The following PTPRQ variants were observed in gnomAD, a reference collection of about 807,000 sequenced individuals.
The protein encoded by PTPRQ is phosphatidylinositol phosphatase PTPRQ.
In PTPRQ, 199 loss-of-function variants were observed where a neutral mutation model predicts 246.0. The ratio of observed to expected loss-of-function variants is 0.81; its 90% CI spans 0.72 to 0.91. The LOEUF (loss-of-function observed/expected upper bound fraction) is 0.91. Among genes scored for constraint, PTPRQ ranks in the 40% least tolerant of loss-of-function variants. PTPRQ has a pLI of 0.00. For missense variants in PTPRQ, 2,624 were observed against 2,528.4 expected (o/e 1.04, Z -0.81); for synonymous variants, 869 against 853.2 (o/e 1.02, Z -0.32).
intron 25 of PTPRQ, among the ~76,000 whole-genome samples, chr12:80,566,921 A>C (rs1218952133): frequency 6.6e-6 from 1 of 152,214 alleles, no homozygotes; most frequent in Non-Finnish European, 1.5e-5. Context: ...TGTGCATGAG[A>C]GGTCTAGCAT....
chr12:80,450,218 CA>C (rs1317589267), intron 3 of PTPRQ, among the ~76,000 whole-genome samples: 1 of 152,208 alleles, frequency 6.6e-6, no homozygotes, highest in Admixed American at 6.5e-5. Flanking sequence ...GATTTTTGTA[CA>C]TTGATTTTGT....
At chr12:80,523,564 G>C (rs533536530) in intron 17 of PTPRQ, among the ~76,000 whole-genome samples, 26 of 152,214 alleles carry the variant, frequency 1.7e-4, no homozygotes, top group African/African-American at 6.0e-4. Context: ...GGTATGTTGT[G>C]TCTTTGTTCT....
At chr12:80,520,428 T>A (rs1043561928) in intron 17 of PTPRQ, among the ~76,000 whole-genome samples, 1 of 152,200 alleles carries the variant, frequency 6.6e-6, no homozygotes, top group Non-Finnish European at 1.5e-5. Flanking sequence ...GTTACATATC[T>A]ATACATGTGC....
chr12:80,506,501 G>T, intron 15 of PTPRQ, 68 bp from the exon 16 acceptor site: 1 of 1,240,842 alleles, frequency 8.1e-7, no homozygotes, highest in Non-Finnish European at 1.1e-6. Context: ...CCATTTCATA[G>T]TTTGCCTCTT....
chr12:80,458,113 T>C (rs957911270), intron 4 of PTPRQ, among the ~76,000 whole-genome samples: 1 of 152,110 alleles, frequency 6.6e-6, no homozygotes, highest in Admixed American at 6.5e-5. Context: ...TATTATATTA[T>C]TGGGTAACAT....
Position 80,613,764 on chromosome 12 carries a change from T to C in PTPRQ, c.5091T>C (p.Ile1697=), listed in dbSNP as rs572311467. ...PTAVQIHNLS[I]IQKTNTFVIA... ...CTGTCCAGATTCACAACCTCAGTAT[T>C]ATACAGAAAACCAACACATTCGTCA... is the stretch of plus-strand genomic sequence containing the variant. Residue 1697 remains isoleucine (I), a synonymous_variant, in exon 29 of 45, where the codon ATT becomes ATC. Transcript: ENST00000644991. 1.3e-6 allele frequency: 2 copies of C among 1,543,916 alleles called. No homozygotes were observed. The highest frequency in any genetic ancestry group is 2.5e-5 in the East Asian group (1 of 40,588).
At chr12:80,570,632 G>T (rs1355132502) in intron 25 of PTPRQ, among the ~76,000 whole-genome samples, 2 of 152,056 alleles carry the variant, frequency 1.3e-5, no homozygotes, top group African/African-American at 4.8e-5. Flanking sequence ...CATTGCTTTT[G>T]GTGTTTTAGT....
intron 25 of PTPRQ, among the ~76,000 whole-genome samples, chr12:80,570,934 A>T (rs955072169): frequency 2.0e-5 from 3 of 151,994 alleles, no homozygotes; most frequent in Non-Finnish European, 4.4e-5. Context: ...GTTCTGTTCC[A>T]TTGGTCTATA....
intron 25 of PTPRQ, among the ~76,000 whole-genome samples, chr12:80,551,425 CATCTT>C (rs1238186883): frequency 6.6e-6 from 1 of 152,178 alleles, no homozygotes; most frequent in African/African-American, 2.4e-5. Context: ...CCTGTAATAA[CATCTT>C]AACTAGCCTT....
At chr12:80,587,997 ATAAT>A (rs1897672760) in intron 25 of PTPRQ, 128 bp from the exon 26 acceptor site, 2 of 924,820 alleles carry the variant, frequency 2.2e-6, no homozygotes, top group South Asian at 4.8e-5. Flanking sequence ...AAGTGTGGGG[ATAAT>A]TAATCTAAGA....
At chr12:80,447,812 A>C (rs1322475272) in intron 3 of PTPRQ, among the ~76,000 whole-genome samples, 1 of 151,878 alleles carries the variant, frequency 6.6e-6, no homozygotes, top group Non-Finnish European at 1.5e-5. Flanking sequence ...GCTTTGTAGT[A>C]TAATTCGAAG....
intron 8 of PTPRQ, among the ~76,000 whole-genome samples, chr12:80,482,546 G>C (rs1405049476): frequency 6.6e-6 from 1 of 150,672 alleles, no homozygotes; most frequent in Non-Finnish European, 1.5e-5. Context: ...AAACTAAAGA[G>C]CTTCTGTACA....
In PTPRQ at chr12:80,534,923, T is replaced by C. The variant is rs2120809386; in HGVS notation, c.2871T>C (p.Tyr957=). The part of the protein sequence containing the change: ...APSDPPKDVY[Y]ANLSSSSIIL... ...GCGATCCTCCCAAAGATGTTTATTA[T>C]GCAAACCTCAGTTCTTCATCAATAA... is the stretch of plus-strand genomic sequence containing the variant. Residue 957 remains tyrosine (Y), a synonymous_variant, in exon 19 of 45, where the codon TAT becomes TAC. Transcript: ENST00000644991. 1 of 1,550,214 alleles carries C rather than the reference T, an allele frequency of 6.5e-7. No homozygotes were observed. The highest frequency in any genetic ancestry group is 8.7e-7 in the Non-Finnish European group (1 of 1,146,330).
At chr12:80,594,046 A>T (rs1897889302) in intron 26 of PTPRQ, among the ~76,000 whole-genome samples, 1 of 152,178 alleles carries the variant, frequency 6.6e-6, no homozygotes, top group South Asian at 2.1e-4. Flanking sequence ...TCAACAAAAC[A>T]TGCCTCATCA....
intron 6 of PTPRQ, among the ~76,000 whole-genome samples, chr12:80,467,455 C>A (rs1383899019): frequency 6.6e-6 from 1 of 152,032 alleles, no homozygotes; most frequent in Non-Finnish European, 1.5e-5. Flanking sequence ...GTGGCGATTC[C>A]TCAGGGATCT....
chr12:80,649,724 C>T (rs1900195292), intron 37 of PTPRQ, 55 bp downstream of exon 37: 1 of 1,502,726 alleles, frequency 6.7e-7, no homozygotes, highest in African/African-American at 1.4e-5. Flanking sequence ...TTTCATGTGT[C>T]ACATTTCATG....
At chr12:80,631,813 A>G (rs1431501588) in intron 33 of PTPRQ, among the ~76,000 whole-genome samples, 2 of 152,198 alleles carry the variant, frequency 1.3e-5, no homozygotes, top group African/African-American at 4.8e-5. Context: ...AGGGAAGTGT[A>G]CATGTTCAGT....
intron 12 of PTPRQ, 94 bp from the exon 13 acceptor site, chr12:80,495,905 G>A (rs1057329379): frequency 6.4e-5 from 88 of 1,383,594 alleles, no homozygotes; most frequent in South Asian, 2.6e-4. Flanking sequence ...CTAGTCCCCC[G>A]TATAAATTCT....
intron 43 of PTPRQ, among the ~76,000 whole-genome samples, chr12:80,676,235 T>A (rs995895325): frequency 6.6e-6 from 1 of 152,228 alleles, no homozygotes; most frequent in Admixed American, 6.5e-5. Flanking sequence ...ATGAGGAATA[T>A]TCCTGTCTTA....
Sources: gnomAD v4.1 joint callset for allele counts (sites outside exome capture counted in the v4.1 genomes callset) on GRCh38, gnomAD v4.1.1 for gene constraint, MANE v1.5 for transcripts, NCBI Gene and HGNC (gene_info 2026-07-23, HGNC 2026-07-21) for gene names.